RGS20: variants seen among roughly 807,000 people sequenced by gnomAD.
The protein encoded by RGS20 is regulator of G protein signaling 20, also known as gz-selective GTPase-activating protein.
RGS20 carries 30 observed loss-of-function variants against 33.6 expected under a neutral mutation model. The ratio of observed to expected loss-of-function variants is 0.89; its 90% confidence interval spans 0.67 to 1.21. The LOEUF is 1.21. Among genes scored for constraint, RGS20 ranks in the 50% most tolerant of loss-of-function variants. The probability of loss-of-function intolerance (pLI) is 0.00; values close to 1 mark genes in which losing one functional copy is unlikely to be tolerated. For missense variants in RGS20, 472 were observed against 502.4 expected, an observed-to-expected ratio of 0.94 and a Z score of 0.58; for synonymous variants, 208 against 197.9, an observed-to-expected ratio of 1.05 and a Z score of -0.43.
chr8:53,932,161 C>T (rs966341427), intron 2 of RGS20, among the ~76,000 whole-genome samples: 16 of 152,160 alleles, frequency 1.1e-4, no homozygotes, highest in African/African-American at 3.6e-4. Flanking sequence ...GTGGGTAACC[C>T]GACCTTTCTC....
intron 2 of RGS20, chr8:53,881,033 A>C: frequency 6.3e-7 from 1 of 1,583,590 alleles, no homozygotes; most frequent in Non-Finnish European, 8.5e-7. Context: ...CGGCGGACGG[A>C]GGCGAGCCGG....
intron 2 of RGS20, among the ~76,000 whole-genome samples, chr8:53,903,159 C>T (rs1004215384): frequency 5.9e-5 from 9 of 152,138 alleles, no homozygotes; most frequent in Admixed American, 2.6e-4. Flanking sequence ...CAATATGGTA[C>T]GTGTGTGTGC....
chr8:53,939,849 AACT>A, intron 3 of RGS20, 125 bp downstream of exon 2: 3 of 1,136,760 alleles, frequency 2.6e-6, no homozygotes, highest in Non-Finnish European at 3.7e-6. Flanking sequence ...TTTTTTAAGC[AACT>A]ACTATATGCC....
intron 1 of RGS20, among the ~76,000 whole-genome samples, chr8:53,866,224 G>C (rs1811914898): frequency 6.6e-6 from 1 of 152,106 alleles, no homozygotes; most frequent in Non-Finnish European, 1.5e-5. Context: ...ATGGTGCTTT[G>C]AGTACCAAGG....
intron 1 of RGS20, among the ~76,000 whole-genome samples, chr8:53,874,113 T>C (rs2129272237): frequency 6.6e-6 from 1 of 152,220 alleles, no homozygotes; most frequent in Admixed American, 6.5e-5. Context: ...GGCATAAGAA[T>C]TGCTTGAAGC....
chr8:53,948,732 T>A (rs1448336840), intron 4 of RGS20, among the ~76,000 whole-genome samples: 19 of 85,900 alleles, frequency 2.2e-4, no homozygotes, highest in Non-Finnish European at 4.1e-4. Flanking sequence ...TATTTACATA[T>A]GCTATATAAG....
At chr8:53,876,560 AGC>A (rs1364111772) in intron 1 of RGS20, 3 of 152,272 alleles carry the variant, frequency 2.0e-5, no homozygotes, top group African/African-American at 7.2e-5. Flanking sequence ...CCCTTCGGGC[AGC>A]TGAAGGTCTT....
intron 1 of RGS20, among the ~76,000 whole-genome samples, chr8:53,855,726 A>G (rs1811656305): frequency 6.6e-6 from 1 of 152,226 alleles, no homozygotes; most frequent in South Asian, 2.1e-4. Flanking sequence ...CATTCTGTGC[A>G]CGTGATTTCC....
At chr8:53,941,867 C>T (rs1244774461) in intron 3 of RGS20, among the ~76,000 whole-genome samples, 1 of 152,088 alleles carries the variant, frequency 6.6e-6, no homozygotes, top group Admixed American at 6.6e-5. Context: ...GCCCAGAAAA[C>T]CTGAAAACCC....
chr8:53,879,980 A>T, intron 2 of RGS20: 1 of 229,306 alleles, frequency 4.4e-6, no homozygotes, highest in Non-Finnish European at 8.4e-6. Context: ...TCGCTCTCCC[A>T]CTCCCCTGCC....
At chr8:53,859,572 A>G (rs754989032) in intron 1 of RGS20, among the ~76,000 whole-genome samples, 1 of 152,242 alleles carries the variant, frequency 6.6e-6, no homozygotes, top group Non-Finnish European at 1.5e-5. Context: ...GAAAATTTAC[A>G]TTAAAGTTTT....
At chr8:53,864,137 T>A (rs1280841849) in intron 1 of RGS20, among the ~76,000 whole-genome samples, 5 of 151,304 alleles carry the variant, frequency 3.3e-5, no homozygotes, top group East Asian at 2.0e-4. Flanking sequence ...TGGGCTTTTT[T>A]AAAAAACTCA....
rs557761711 is a variant in RGS20 at position 53,899,569 on chromosome 8, C to T, written c.510+19967C>T. 1.6e-3 allele frequency among the ~76,000 whole-genome samples: 244 copies of T among 152,324 alleles called. 1 individual carries two copies. Among genetic ancestry groups the T allele is most frequent in the African/African-American group, 5.7e-3 (236 of 41,582 alleles). On this transcript the variant is annotated intron_variant, in intron 2 of 5. Transcript: ENST00000297313. ...CCAGCACCCCTTAGCCGTCAACCAC[C>T]AAGTCCCTTCCTCCAGCAGCCCCAG...
At position 53,939,584 on chromosome 8, in the gene RGS20, A is replaced by C; in HGVS notation, c.519A>C (p.Gly173=). The C allele has an allele frequency of 6.3e-7, 1 of 1,588,710 alleles. No individual in the cohort carries two copies. The highest frequency in any genetic ancestry group is 8.6e-7 in the Non-Finnish European group (1 of 1,167,636). The change falls in exon 3 of 6, where the codon GGA becomes GGC. Residue 173 remains glycine, a synonymous_variant. Transcript: ENST00000297313. ...TCCTCTCCCTCTTGCAGCAGATGGG[A>C]TCAGAGCGGATGGAGATGCGGAAGC...
intron 1 of RGS20, among the ~76,000 whole-genome samples, chr8:53,873,379 C>A (rs554393580): frequency 6.6e-6 from 1 of 152,168 alleles, no homozygotes; most frequent in Admixed American, 6.5e-5. Context: ...ATCCACCAAA[C>A]AATCACTCCC....
intron 2 of RGS20, among the ~76,000 whole-genome samples, chr8:53,927,318 G>GC (rs1813829827): frequency 6.7e-6 from 1 of 150,144 alleles, no homozygotes; most frequent in Non-Finnish European, 1.5e-5. Flanking sequence ...TCTCACCTTA[G>GC]CCCCCCAACC....
At chr8:53,852,886 C>A (rs1811597570) in intron 1 of RGS20, among the ~76,000 whole-genome samples, 1 of 152,048 alleles carries the variant, frequency 6.6e-6, no homozygotes, top group Non-Finnish European at 1.5e-5. Context: ...TTCTCTAGGT[C>A]TGCCCTTTCT....
At chr8:53,918,057 A>T (rs1482581023) in intron 2 of RGS20, among the ~76,000 whole-genome samples, 1 of 152,220 alleles carries the variant, frequency 6.6e-6, no homozygotes, top group East Asian at 1.9e-4. Context: ...CATAGCATGT[A>T]TGAGTCCTGC....
At chr8:53,911,226 G>C (rs1036614425) in intron 2 of RGS20, among the ~76,000 whole-genome samples, 9 of 152,208 alleles carry the variant, frequency 5.9e-5, no homozygotes, top group Non-Finnish European at 1.2e-4. Context: ...TTTAGTGTGA[G>C]AGGCCAGGAG....
Sources: gnomAD v4.1 joint callset for allele counts (sites outside exome capture counted in the v4.1 genomes callset) on GRCh38, gnomAD v4.1.1 for gene constraint, MANE v1.5 for transcripts, NCBI Gene and HGNC (gene_info 2026-07-23, HGNC 2026-07-21) for gene names.